Variants in HK1 observed in about 807,000 individuals in gnomAD.
HK1 encodes the protein hexokinase 1, also known as hexokinase-1.
HK1 carries 28 observed loss-of-function variants against 91.6 expected under a neutral mutation model. The ratio of observed to expected loss-of-function variants is 0.31; its 90% CI spans 0.23 to 0.42. HK1 has a LOEUF of 0.42. HK1 is among the 10% of genes least tolerant of loss of function. The probability of loss-of-function intolerance (pLI) is 1.00; values close to 1 mark genes in which losing one functional copy is unlikely to be tolerated. For missense variants in HK1, 770 were observed against 1,219.8 expected (o/e 0.63, Z 5.49); for synonymous variants, 430 against 468.1 (o/e 0.92, Z 1.05).
chr10:69,304,924 T>C (rs756706536), intron 5 of HK1, among the ~76,000 whole-genome samples: 5 of 152,084 alleles, frequency 3.3e-5, no homozygotes, highest in Non-Finnish European at 7.4e-5. Flanking sequence ...AAATTCAAGG[T>C]GTTGGCAGGC....
At chr10:69,303,590 C>T (rs1461339553) in intron 5 of HK1, among the ~76,000 whole-genome samples, 1 of 152,240 alleles carries the variant, frequency 6.6e-6, no homozygotes, top group South Asian at 2.1e-4. Flanking sequence ...GAGAAGTAGG[C>T]GGCCACTTGG....
At chr10:69,363,759 G>A (rs1293274781) in intron 3 of HK1, among the ~76,000 whole-genome samples, 1 of 152,142 alleles carries the variant, frequency 6.6e-6, no homozygotes, top group Admixed American at 6.5e-5. Flanking sequence ...TCTCCTCATG[G>A]GCAGTATTCA....
intron 14 of HK1, 39 bp downstream of exon 14, chr10:69,389,335 A>AACCCCAGCCTTCCCTTCT: frequency 6.7e-7 from 1 of 1,490,922 alleles, no homozygotes; most frequent in Non-Finnish European, 9.2e-7. Context: ...GCAGAAGGGA[A>AACCCCAGCCTTCCCTTCT]GGCTGGGGTT....
intron 2 of HK1, among the ~76,000 whole-genome samples, chr10:69,287,270 G>A (rs1243069726): frequency 1.3e-5 from 2 of 152,174 alleles, no homozygotes; most frequent in Admixed American, 1.3e-4. Context: ...AAGGAGAGGT[G>A]CAGGGTGAAG....
chr10:69,283,305 T>A (rs1844854050), intron 2 of HK1, among the ~76,000 whole-genome samples: 1 of 144,446 alleles, frequency 6.9e-6, no homozygotes, highest in Non-Finnish European at 1.5e-5. Flanking sequence ...AAAAAAAAAA[T>A]TAGCCTGACG....
Position 69,360,049 on chromosome 10 carries a change from G to T in HK1, c.375+4G>T. The T allele has an allele frequency of 6.2e-7, 1 of 1,613,666 alleles. No homozygotes were observed. The highest frequency in any genetic ancestry group is 8.5e-7 in the Non-Finnish European group (1 of 1,179,842). On this transcript the variant is annotated splice_donor_region_variant and intron_variant, in intron 3 of 17. Coordinates refer to ENST00000359426, the MANE Select transcript of HK1 (RefSeq NM_000188.3). ...CGTGCACGGCAGTGGAAGCCAGGTG[G>T]GTCCCTGCTCCCTCCGGGTCACCCC...
intron 1 of HK1, among the ~76,000 whole-genome samples, chr10:69,329,522 C>T (rs1163818399): frequency 6.6e-6 from 1 of 152,134 alleles, no homozygotes; most frequent in East Asian, 1.9e-4. Flanking sequence ...AAAACCCCTG[C>T]TTTTAATCGA....
intron 15 of HK1, among the ~76,000 whole-genome samples, chr10:69,394,512 C>T (rs757911641): frequency 6.6e-6 from 1 of 152,186 alleles, no homozygotes; most frequent in African/African-American, 2.4e-5. Flanking sequence ...GAAAAAGACA[C>T]ACATGCCCTG....
At chr10:69,291,941 G>A (rs936618962) in intron 3 of HK1, among the ~76,000 whole-genome samples, 44 of 152,164 alleles carry the variant, frequency 2.9e-4, no homozygotes, top group African/African-American at 1.0e-3. Context: ...CTATCATGGG[G>A]GTGTCAGTGT....
At chr10:69,289,871 T>G (rs1845218992) in intron 3 of HK1, among the ~76,000 whole-genome samples, 1 of 150,686 alleles carries the variant, frequency 6.6e-6, no homozygotes, top group South Asian at 2.1e-4. Context: ...TCCTCCCACC[T>G]CATCCTCCCA....
chr10:69,289,777 T>A (rs79355693), intron 3 of HK1, among the ~76,000 whole-genome samples: 1 of 149,890 alleles, frequency 6.7e-6, no homozygotes, highest in African/African-American at 2.5e-5. Context: ...CGGCCAATTT[T>A]TTTTTTTTTT....
At chr10:69,397,247 G>T (rs983976853) in intron 16 of HK1, among the ~76,000 whole-genome samples, 3 of 151,738 alleles carry the variant, frequency 2.0e-5, no homozygotes, top group African/African-American at 7.2e-5. Context: ...CACAGTGGCT[G>T]TAACATTTTA....
intron 1 of HK1, among the ~76,000 whole-genome samples, chr10:69,328,385 C>T (rs1005474041): frequency 6.6e-6 from 1 of 152,188 alleles, no homozygotes; most frequent in South Asian, 2.1e-4. Flanking sequence ...ACTAGGCGCC[C>T]GGCTTTTCTT....
intron 4 of HK1, 147 bp downstream of exon 4, chr10:69,365,049 G>A (rs968377369): frequency 8.0e-5 from 67 of 833,074 alleles, no homozygotes; most frequent in Non-Finnish European, 1.1e-4. Flanking sequence ...AAGTTAGTGT[G>A]GTATCATGAT....
At chr10:69,317,692 C>A (rs1846722109), upstream of HK1, among the ~76,000 whole-genome samples, 1 of 152,088 alleles carries the variant, frequency 6.6e-6, no homozygotes. Flanking sequence ...CAGATCCAAG[C>A]TGTGATCCTA....
chr10:69,322,814 T>A (rs1847116768), intron 1 of HK1, among the ~76,000 whole-genome samples: 1 of 147,450 alleles, frequency 6.8e-6, no homozygotes, highest in Non-Finnish European at 1.5e-5. Context: ...CACTTGAACC[T>A]GGAAGGCAGA....
intron 1 of HK1, among the ~76,000 whole-genome samples, chr10:69,319,519 C>T (rs1295084666): frequency 6.6e-6 from 1 of 152,244 alleles, no homozygotes; most frequent in African/African-American, 2.4e-5. Context: ...TTGAGCTGCT[C>T]GTTAATCTGA....
intron 2 of HK1, among the ~76,000 whole-genome samples, chr10:69,356,882 CAAA>C (rs778360296): frequency 4.8e-5 from 3 of 62,014 alleles, no homozygotes; most frequent in South Asian, 6.1e-4. Flanking sequence ...AACTCCATCT[CAAA>C]AAAAAAAAAA....
chr10:69,358,233 G>C (rs1267692707), intron 2 of HK1, among the ~76,000 whole-genome samples: 2 of 152,132 alleles, frequency 1.3e-5, no homozygotes, highest in African/African-American at 4.8e-5. Flanking sequence ...ATTTTTCTGG[G>C]AGCATCGTGA....
Sources: allele counts gnomAD v4.1 joint callset (sites outside exome capture counted in the v4.1 genomes callset), GRCh38; gene constraint gnomAD v4.1.1; transcripts MANE v1.5; gene names NCBI Gene and HGNC (gene_info 2026-07-23, HGNC 2026-07-21).